The following ADCY8 variants were observed in gnomAD, a reference collection of about 807,000 sequenced individuals.
ADCY8 encodes adenylate cyclase type 8.
Under a neutral mutation model 119.7 loss-of-function variants are expected in ADCY8, and 51 were observed. The ratio of observed to expected loss-of-function variants is 0.43; its 90% CI spans 0.34 to 0.54. The LOEUF (loss-of-function observed/expected upper bound fraction) is 0.54, where lower values mean the gene tolerates loss of function less well. ADCY8 is among the 20% of genes least tolerant of loss of function. The probability of loss-of-function intolerance (pLI) is 0.03; values close to 1 mark genes in which losing one functional copy is unlikely to be tolerated. For missense variants in ADCY8, 1,383 were observed against 1,598.8 expected, an observed-to-expected ratio of 0.87 and a Z score of 2.30; for synonymous variants, 665 against 651.0, an observed-to-expected ratio of 1.02 and a Z score of -0.33.
chr8:130,904,381 G>A (rs561265622), intron 6 of ADCY8, among the ~76,000 whole-genome samples: 12 of 151,602 alleles, frequency 7.9e-5, no homozygotes, highest in East Asian at 1.9e-4. Context: ...TTTTTCAGTC[G>A]TGTTGATTAT....
chr8:131,013,084 A>G (rs1290829433), intron 1 of ADCY8, among the ~76,000 whole-genome samples: 2 of 152,222 alleles, frequency 1.3e-5, no homozygotes, highest in East Asian at 3.9e-4. Flanking sequence ...GACTACCCAT[A>G]TATAATTTCC....
At chr8:130,985,360 T>C (rs1822370956) in intron 2 of ADCY8, among the ~76,000 whole-genome samples, 1 of 152,084 alleles carries the variant, frequency 6.6e-6, no homozygotes, top group African/African-American at 2.4e-5. Context: ...GAAAAAGGTG[T>C]AAACAAAGGC....
intron 1 of ADCY8, among the ~76,000 whole-genome samples, chr8:130,996,158 A>T (rs1344521639): frequency 6.6e-6 from 1 of 152,132 alleles, no homozygotes; most frequent in Non-Finnish European, 1.5e-5. Context: ...AAAGAAAAAA[A>T]GTACATGACT....
intron 11 of ADCY8, among the ~76,000 whole-genome samples, chr8:130,838,479 TC>T (rs1416160247): frequency 6.6e-6 from 1 of 152,194 alleles, no homozygotes; most frequent in Non-Finnish European, 1.5e-5. Flanking sequence ...AAGTTCATTC[TC>T]CAGAGCTCAT....
At chr8:130,913,022 T>C (rs1820026116) in intron 5 of ADCY8, among the ~76,000 whole-genome samples, 1 of 152,196 alleles carries the variant, frequency 6.6e-6, no homozygotes. Flanking sequence ...TTCAAGTGTA[T>C]AGTAGGATTG....
intron 1 of ADCY8, among the ~76,000 whole-genome samples, chr8:130,998,448 G>C (rs536142926): frequency 2.0e-5 from 3 of 152,272 alleles, no homozygotes; most frequent in African/African-American, 7.2e-5. Context: ...CTGGAGCAGA[G>C]AGCCTTGTGG....
intron 12 of ADCY8, among the ~76,000 whole-genome samples, chr8:130,822,265 A>G (rs1390388469): frequency 6.6e-6 from 1 of 152,208 alleles, no homozygotes; most frequent in Non-Finnish European, 1.5e-5. Context: ...AGGCTTCACA[A>G]GGAAAAAGTG....
At chr8:130,804,909 G>T (rs189573946) in intron 14 of ADCY8, among the ~76,000 whole-genome samples, 24 of 152,218 alleles carry the variant, frequency 1.6e-4, no homozygotes, top group African/African-American at 5.5e-4. Flanking sequence ...ATCATACCAG[G>T]CTAATTTTTG....
chr8:130,887,167 G>T (rs879322131), intron 7 of ADCY8, among the ~76,000 whole-genome samples: 3 of 152,116 alleles, frequency 2.0e-5, no homozygotes, highest in Non-Finnish European at 2.9e-5. Context: ...ATTAGGAATA[G>T]ACATTGCTTC....
intron 14 of ADCY8, among the ~76,000 whole-genome samples, chr8:130,811,906 A>G (rs1430427379): frequency 6.6e-6 from 1 of 152,174 alleles, no homozygotes; most frequent in Non-Finnish European, 1.5e-5. Flanking sequence ...CATTCACATA[A>G]TAATGCCACT....
At chr8:130,834,365 A>G (rs780281761) in intron 12 of ADCY8, among the ~76,000 whole-genome samples, 4 of 152,200 alleles carry the variant, frequency 2.6e-5, no homozygotes, top group Non-Finnish European at 4.4e-5. Flanking sequence ...GCAATAAAAC[A>G]CACACTCAAC....
chr8:130,866,164 G>A (rs531838414), intron 9 of ADCY8, among the ~76,000 whole-genome samples: 1 of 151,934 alleles, frequency 6.6e-6, no homozygotes, highest in Non-Finnish European at 1.5e-5. Flanking sequence ...AGTCCATGAG[G>A]TTTTTGGTTT....
chr8:130,850,093 G>A (rs139107836), intron 9 of ADCY8, among the ~76,000 whole-genome samples: 85 of 152,094 alleles, frequency 5.6e-4, no homozygotes, highest in Middle Eastern at 3.4e-3. Flanking sequence ...TGCTGTCATG[G>A]CAACACACCA....
At chr8:131,020,301 A>G (rs1400852509) in intron 1 of ADCY8, among the ~76,000 whole-genome samples, 2 of 152,176 alleles carry the variant, frequency 1.3e-5, no homozygotes, top group Non-Finnish European at 2.9e-5. Context: ...TAGTGAGGCT[A>G]CTGTGATTCA....
intron 2 of ADCY8, among the ~76,000 whole-genome samples, chr8:130,987,498 C>T (rs1251053647): frequency 6.6e-6 from 1 of 151,996 alleles, no homozygotes; most frequent in East Asian, 1.9e-4. Context: ...TTGTATCCTA[C>T]CATGAGATAA....
Position 131,011,080 on chromosome 8 carries a change from A to G in ADCY8, c.961-20538T>C, listed in dbSNP as rs145535205. On this transcript the variant is annotated intron_variant, in intron 1 of 17. Transcript: ENST00000286355. ...GAGCAAAAGAGGTATACCTTGGAAA[A>G]TCCAGTCTTCTGTGCCTCGAATCTA... Among the ~76,000 whole-genome samples, 1,056 of 152,254 alleles carry G rather than the reference A, an allele frequency of 6.9e-3. 17 individuals carry two copies. The highest frequency in any genetic ancestry group is 0.023 in the African/African-American group (975 of 41,542).
At chr8:130,998,707 T>C (rs1822854481) in intron 1 of ADCY8, among the ~76,000 whole-genome samples, 1 of 152,112 alleles carries the variant, frequency 6.6e-6, no homozygotes, top group Admixed American at 6.5e-5. Context: ...TGAAAAGAGA[T>C]TTTGACATGG....
chr8:131,030,686 G>A (rs1220921104), intron 1 of ADCY8, among the ~76,000 whole-genome samples: 1 of 152,168 alleles, frequency 6.6e-6, no homozygotes, highest in African/African-American at 2.4e-5. Context: ...ACCTAGCTGT[G>A]TTCTAGGACA....
intron 8 of ADCY8, among the ~76,000 whole-genome samples, chr8:130,877,571 A>G (rs1379326146): frequency 6.6e-6 from 1 of 152,222 alleles, no homozygotes; most frequent in Admixed American, 6.5e-5. Context: ...CTTTTGCAGG[A>G]GCATAAAGAA....
Sources: allele counts gnomAD v4.1 joint callset (sites outside exome capture counted in the v4.1 genomes callset), GRCh38; gene constraint gnomAD v4.1.1; transcripts MANE v1.5; gene names NCBI Gene and HGNC (gene_info 2026-07-23, HGNC 2026-07-21).